The following PKNOX2 variants were observed in gnomAD, a reference collection of about 807,000 sequenced individuals.
PKNOX2 encodes homeobox protein PKNOX2.
A neutral mutation model predicts 53.1 loss-of-function variants in PKNOX2; 14 were observed. The ratio of observed to expected loss-of-function variants is 0.26; its 90% CI spans 0.17 to 0.41. PKNOX2 has a LOEUF of 0.41. Among genes scored for constraint, PKNOX2 ranks in the 10% least tolerant of loss-of-function variants. The probability of loss-of-function intolerance (pLI) is 1.00; values close to 1 mark genes in which losing one functional copy is unlikely to be tolerated. For synonymous variants in PKNOX2, 257 were observed against 242.8 expected (o/e 1.06, Z -0.54); for missense variants, 496 against 602.8 (o/e 0.82, Z 1.85).
chr11:125,211,147 G>A (rs1939795910), intron 1 of PKNOX2, among the ~76,000 whole-genome samples: 1 of 152,088 alleles, frequency 6.6e-6, no homozygotes, highest in African/African-American at 2.4e-5. Flanking sequence ...TGCAGATGGA[G>A]AGGGTGAGGC....
intron 5 of PKNOX2, among the ~76,000 whole-genome samples, chr11:125,381,250 G>A (rs930394993): frequency 2.0e-5 from 3 of 152,118 alleles, no homozygotes; most frequent in African/African-American, 7.2e-5. Flanking sequence ...AGAGCAACAG[G>A]GCTCTGGGAT....
At chr11:125,183,652 T>G (rs1956283430) in intron 1 of PKNOX2, among the ~76,000 whole-genome samples, 1 of 152,140 alleles carries the variant, frequency 6.6e-6, no homozygotes. Flanking sequence ...TAACTTTTTT[T>G]TTTTGCATTG....
chr11:125,348,133 C>G (rs1951092247), intron 3 of PKNOX2, among the ~76,000 whole-genome samples: 2 of 152,164 alleles, frequency 1.3e-5, no homozygotes, highest in African/African-American at 4.8e-5. Context: ...TCAAAGAGTT[C>G]CCCCACACCC....
intron 5 of PKNOX2, among the ~76,000 whole-genome samples, chr11:125,379,521 G>T (rs866737561): frequency 6.6e-6 from 1 of 152,186 alleles, no homozygotes; most frequent in African/African-American, 2.4e-5. Flanking sequence ...CTGTCAGCCC[G>T]ATTTATGTTA....
rs1256135309 is a variant in PKNOX2, at chr11:125,432,247, A to G, written c.*855A>G. On this transcript the variant is annotated 3_prime_UTR_variant, in exon 13 of 13. Transcript: ENST00000298282. Reference sequence around the variant, plus strand: ...ACTTAGCTCCTTTAACAACAGGACAATGGTTTTTTACCCTAGATGTTCCCA... The same window carrying G: ...ACTTAGCTCCTTTAACAACAGGACAGTGGTTTTTTACCCTAGATGTTCCCA... 3 of 138,662 alleles carry G rather than the reference A, an allele frequency of 2.2e-5. No individual in the cohort carries two copies. The highest frequency in any genetic ancestry group is 8.0e-5 in the Admixed American group (1 of 12,496). The allele number at this position is 138,662 out of a possible 1,614,324, so 8.6% of individuals were successfully genotyped here.
At chr11:125,409,000 G>A (rs1955297178) in intron 7 of PKNOX2, among the ~76,000 whole-genome samples, 2 of 152,158 alleles carry the variant, frequency 1.3e-5, no homozygotes. Context: ...TCCAGCATTT[G>A]AGCATGGGAA....
intron 2 of PKNOX2, among the ~76,000 whole-genome samples, chr11:125,247,510 A>G (rs1344277115): frequency 6.6e-6 from 1 of 152,170 alleles, no homozygotes; most frequent in Non-Finnish European, 1.5e-5. Context: ...TGCAGGGCAG[A>G]TTATGCCCAG....
At chr11:125,239,629 ACAGT>A (rs1460400952) in intron 2 of PKNOX2, 2 of 152,218 alleles carry the variant, frequency 1.3e-5, no homozygotes, top group East Asian at 1.9e-4. Context: ...GCATCTACAG[ACAGT>A]CAGAGTGCCC....
intron 2 of PKNOX2, among the ~76,000 whole-genome samples, chr11:125,259,736 C>T (rs939972896): frequency 1.3e-5 from 2 of 152,234 alleles, no homozygotes; most frequent in African/African-American, 2.4e-5. Context: ...CTGCTATGGG[C>T]AGGCTGGCTG....
At chr11:125,414,563 G>A (rs915256658) in intron 10 of PKNOX2, among the ~76,000 whole-genome samples, 2 of 152,062 alleles carry the variant, frequency 1.3e-5, no homozygotes, top group Admixed American at 6.5e-5. Context: ...GCCACACCTG[G>A]GCCACACAGC....
intron 2 of PKNOX2, among the ~76,000 whole-genome samples, chr11:125,245,159 T>C (rs1168818081): frequency 6.6e-6 from 1 of 152,208 alleles, no homozygotes; most frequent in Non-Finnish European, 1.5e-5. Flanking sequence ...TCAGCCTTGG[T>C]GGCTGGCTGA....
intron 2 of PKNOX2, among the ~76,000 whole-genome samples, chr11:125,316,253 C>T (rs530918340): frequency 5.3e-5 from 8 of 152,324 alleles, no homozygotes; most frequent in Admixed American, 5.2e-4. Flanking sequence ...CATCTGTTGC[C>T]TGTCTTGACC....
At chr11:125,189,934 C>CTTTTTTT (rs34546583) in intron 1 of PKNOX2, 1 of 148,968 alleles carries the variant, frequency 6.7e-6, no homozygotes, top group Non-Finnish European at 1.5e-5. Context: ...TTCATTCTCT[C>CTTTTTTT]TTTTTTTTTT....
intron 2 of PKNOX2, among the ~76,000 whole-genome samples, chr11:125,301,636 T>C (rs1467605708): frequency 6.6e-6 from 1 of 152,132 alleles, no homozygotes; most frequent in Non-Finnish European, 1.5e-5. Flanking sequence ...TTATCTTTCC[T>C]TCTTCCAAAC....
At chr11:125,288,300 C>A (rs1344795099) in intron 2 of PKNOX2, 2 of 152,088 alleles carry the variant, frequency 1.3e-5, no homozygotes, top group African/African-American at 4.8e-5. Context: ...CTACCTGGGC[C>A]TGAGCCTTAC....
intron 2 of PKNOX2, among the ~76,000 whole-genome samples, chr11:125,283,444 T>C (rs2135863648): frequency 6.6e-6 from 1 of 152,352 alleles, no homozygotes; most frequent in South Asian, 2.1e-4. Flanking sequence ...TCCTCTCCTG[T>C]ACTTCAATAT....
intron 1 of PKNOX2, among the ~76,000 whole-genome samples, chr11:125,168,945 C>T (rs544460627): frequency 1.3e-5 from 2 of 152,246 alleles, no homozygotes; most frequent in South Asian, 4.1e-4. Flanking sequence ...TTCTGAAATT[C>T]TATCTCTAAT....
chr11:125,383,301 C>A (rs1482225519), intron 5 of PKNOX2, among the ~76,000 whole-genome samples: 2 of 151,980 alleles, frequency 1.3e-5, no homozygotes, highest in African/African-American at 4.8e-5. Context: ...GAGACCATTG[C>A]CTGTTTGCCT....
intron 5 of PKNOX2, among the ~76,000 whole-genome samples, chr11:125,377,509 G>A (rs1032936239): frequency 1.2e-4 from 18 of 152,148 alleles, no homozygotes; most frequent in Non-Finnish European, 2.1e-4. Flanking sequence ...GCACACGAGA[G>A]CAAAGGGCAA....
Sources: gnomAD v4.1 joint callset for allele counts (sites outside exome capture counted in the v4.1 genomes callset) on GRCh38, gnomAD v4.1.1 for gene constraint, MANE v1.5 for transcripts, NCBI Gene and HGNC (gene_info 2026-07-23, HGNC 2026-07-21) for gene names.